The following GALNT13 variants were observed in gnomAD, a reference collection of about 807,000 sequenced individuals.
GALNT13 encodes the protein polypeptide N-acetylgalactosaminyltransferase 13, also known as UDP-GalNAc:polypeptide N-acetylgalactosaminyltransferase 13.
In GALNT13, 28 loss-of-function variants were observed where a neutral mutation model predicts 64.2. The observed-to-expected ratio is 0.44, with a 90% CI of 0.32 to 0.60. The LOEUF is 0.60. Among genes scored for constraint, GALNT13 ranks in the 20% least tolerant of loss-of-function variants. The pLI is 0.05. For missense variants in GALNT13, 577 were observed against 669.8 expected (o/e 0.86, Z 1.53); for synonymous variants, 214 against 224.6 (o/e 0.95, Z 0.42).
At chr2:153,673,271 A>G in the GALNT13 span, among the ~76,000 whole-genome samples, 1 of 152,118 alleles carries the variant, frequency 6.6e-6, no homozygotes, top group East Asian at 1.9e-4. Context: ...AGAATTTTAG[A>G]ACAATATCCC....
intron 1 of GALNT13, among the ~76,000 whole-genome samples, chr2:153,884,316 C>G (rs190721680): frequency 1.3e-5 from 2 of 151,660 alleles, no homozygotes; most frequent in Non-Finnish European, 2.9e-5. Context: ...GTGTGTACTT[C>G]CCAGATTTCC....
intron 4 of GALNT13, among the ~76,000 whole-genome samples, chr2:154,194,418 C>T (rs1489988558): frequency 5.3e-5 from 8 of 152,052 alleles, no homozygotes; most frequent in Non-Finnish European, 7.4e-5. Flanking sequence ...AAGAGCCCAC[C>T]GGGTTGAAGT....
chr2:153,546,627 G>A, the GALNT13 span, among the ~76,000 whole-genome samples: 1 of 152,136 alleles, frequency 6.6e-6, no homozygotes, highest in East Asian at 1.9e-4. Context: ...AGCCAAGTAC[G>A]ATATCAAGTA....
intron 7 of GALNT13, among the ~76,000 whole-genome samples, chr2:154,253,023 A>G (rs1056595748): frequency 6.6e-6 from 1 of 152,208 alleles, no homozygotes; most frequent in African/African-American, 2.4e-5. Context: ...CTTGGTAAAC[A>G]GAGATGTTTC....
intron 9 of GALNT13, among the ~76,000 whole-genome samples, chr2:154,312,293 T>C (rs1694089730): frequency 6.6e-6 from 1 of 152,234 alleles, no homozygotes; most frequent in African/African-American, 2.4e-5. Flanking sequence ...GTCCCTCCGT[T>C]TGGGGTCCCT....
chr2:154,093,780 A>G (rs1701940648), intron 3 of GALNT13, among the ~76,000 whole-genome samples: 1 of 151,038 alleles, frequency 6.6e-6, no homozygotes, highest in African/African-American at 2.4e-5. Flanking sequence ...ACTCTTGTCT[A>G]ATGTTCATAT....
the GALNT13 span, among the ~76,000 whole-genome samples, chr2:153,522,768 G>A: frequency 6.6e-6 from 1 of 152,046 alleles, no homozygotes; most frequent in East Asian, 1.9e-4. Context: ...TGCTTTAATA[G>A]ATATGTCTTT....
chr2:154,454,682 T>G (rs910187608), downstream of GALNT13: 2 of 152,058 alleles, frequency 1.3e-5, no homozygotes, highest in African/African-American at 4.8e-5. Flanking sequence ...ATATTGATTC[T>G]TTAGAAATAT....
chr2:153,875,777 A>G (rs192133643), intron 1 of GALNT13, among the ~76,000 whole-genome samples: 2 of 152,330 alleles, frequency 1.3e-5, no homozygotes, highest in East Asian at 3.9e-4. Flanking sequence ...AAAATAAATT[A>G]TAATGCTACA....
At chr2:154,035,143 G>T (rs561716354) in intron 3 of GALNT13, among the ~76,000 whole-genome samples, 1 of 152,164 alleles carries the variant, frequency 6.6e-6, no homozygotes, top group East Asian at 1.9e-4. Flanking sequence ...ATGAATGATT[G>T]GATAAAGTAA....
the GALNT13 span, among the ~76,000 whole-genome samples, chr2:153,254,076 C>G: frequency 1.3e-5 from 2 of 152,018 alleles, no homozygotes; most frequent in Non-Finnish European, 2.9e-5. Flanking sequence ...TGGTAGAATT[C>G]GGCTGTGAAT....
At chr2:153,871,552 G>C (rs1390899847), upstream of GALNT13, among the ~76,000 whole-genome samples, 1 of 152,194 alleles carries the variant, frequency 6.6e-6, no homozygotes, top group African/African-American at 2.4e-5. Flanking sequence ...GGGCGAACGC[G>C]GTGCACGCAG....
the GALNT13 span, among the ~76,000 whole-genome samples, chr2:153,401,816 G>T: frequency 1.3e-5 from 2 of 152,046 alleles, no homozygotes; most frequent in African/African-American, 4.8e-5. Context: ...GAGCCTATGT[G>T]TGTCTCTGCA....
At chr2:153,606,369 G>A in the GALNT13 span, among the ~76,000 whole-genome samples, 6 of 152,066 alleles carry the variant, frequency 3.9e-5, no homozygotes, top group East Asian at 1.9e-4. Flanking sequence ...TGCAGCATTA[G>A]CCAATAAACC....
At chr2:153,238,128 G>A in the GALNT13 span, among the ~76,000 whole-genome samples, 1 of 151,978 alleles carries the variant, frequency 6.6e-6, no homozygotes, top group South Asian at 2.1e-4. Context: ...CCATTTGCAT[G>A]TCTTCTTTTT....
the GALNT13 span, among the ~76,000 whole-genome samples, chr2:153,326,552 C>T: frequency 1.4e-4 from 21 of 152,150 alleles, no homozygotes; most frequent in Middle Eastern, 3.4e-3. Context: ...TTATTTTACC[C>T]ATTAGTTGAT....
At chr2:153,431,996 A>T in the GALNT13 span, among the ~76,000 whole-genome samples, 1 of 152,208 alleles carries the variant, frequency 6.6e-6, no homozygotes, top group African/African-American at 2.4e-5. Context: ...TTCCAGGAAC[A>T]CTCAGACTTC....
the GALNT13 span, among the ~76,000 whole-genome samples, chr2:153,653,116 C>T: frequency 6.6e-6 from 1 of 151,982 alleles, no homozygotes; most frequent in Non-Finnish European, 1.5e-5. Flanking sequence ...AATTTGAGTT[C>T]CAAATTTATC....
the GALNT13 span, among the ~76,000 whole-genome samples, chr2:153,825,608 CTG>C: frequency 0.27 from 36,333 of 134,432 alleles, 4,554 homozygotes; most frequent in South Asian, 0.36. Context: ...TCCATGAGTG[CTG>C]TGTGTGTGTG....
Sources: gnomAD v4.1 joint callset for allele counts (sites outside exome capture counted in the v4.1 genomes callset) on GRCh38, gnomAD v4.1.1 for gene constraint, MANE v1.5 for transcripts, NCBI Gene and HGNC (gene_info 2026-07-23, HGNC 2026-07-21) for gene names.